The following ZNF365 variants were observed in gnomAD, a reference collection of about 807,000 sequenced individuals.
ZNF365 encodes zinc finger protein 365, also known as protein ZNF365.
A neutral mutation model predicts 35.0 loss-of-function variants in ZNF365; 22 were observed. The ratio of observed to expected loss-of-function variants is 0.63; its 90% CI spans 0.45 to 0.90. ZNF365 has a LOEUF of 0.90. Among genes scored for constraint, ZNF365 ranks in the 40% least tolerant of loss-of-function variants. The probability of loss-of-function intolerance (pLI) is 0.00; values close to 1 mark genes in which losing one functional copy is unlikely to be tolerated. For missense variants in ZNF365, 448 were observed against 500.3 expected (o/e 0.90, Z 1.00); for synonymous variants, 188 against 196.2 (o/e 0.96, Z 0.35).
chr10:62,399,899 G>A lies in ZNF365; in HGVS notation c.*110G>A. 1 of 1,448,774 alleles carries A rather than the reference G, an allele frequency of 6.9e-7. No homozygotes were observed. 89.7% of individuals were successfully genotyped at this position (1,448,774 alleles called of 1,614,324 possible). ...TTCCATAGTAAGACACATTGGAAAAGCCAAGGGCATAACACAGGCAAGCAC... is the reference window on the plus strand; with the variant it reads ...TTCCATAGTAAGACACATTGGAAAAACCAAGGGCATAACACAGGCAAGCAC... On this transcript the variant is annotated 3_prime_UTR_variant, in exon 5 of 5. Transcript: ENST00000395254.
At chr10:62,441,345 C>T (rs1430854877) in intron 3 of ZNF365, among the ~76,000 whole-genome samples, 17 of 152,084 alleles carry the variant, frequency 1.1e-4, no homozygotes, top group Admixed American at 1.1e-3. Flanking sequence ...CTTTTTGCAT[C>T]GATTTTATCT....
At chr10:62,471,113 G>A (rs34151239) in intron 4 of ZNF365, among the ~76,000 whole-genome samples, 3 of 151,910 alleles carry the variant, frequency 2.0e-5, no homozygotes, top group Non-Finnish European at 4.4e-5. Context: ...ACTCCTGTAA[G>A]CCCAGCACTT....
At chr10:62,477,210 T>A (rs1589477241) in intron 4 of ZNF365, among the ~76,000 whole-genome samples, 1 of 152,100 alleles carries the variant, frequency 6.6e-6, no homozygotes. Flanking sequence ...TGAATGTGGC[T>A]GGGGTAGGTT....
At position 62,376,617 on chromosome 10, in the gene ZNF365, A is replaced by G; in HGVS notation, c.424A>G (p.Thr142Ala). ...MDLHADSLDG[T>A]RSGPGLPTSD... ...CCTCCATGCAGACTCGCTGGATGGG[A>G]CACGGTCGGGTCCTGGACTGCCCAC... Residue 142 changes from threonine to alanine, a missense_variant, in exon 2 of 5, where the codon ACA becomes GCA. This residue lies in a region of ZNF365 where 362 missense variants were observed against 375.7 expected (regional missense o/e 0.96). Coordinates refer to ENST00000395254, the MANE Select transcript of ZNF365 (RefSeq NM_014951.3). 6.2e-7 allele frequency: 1 copy of G among 1,614,162 alleles called. No individual in the cohort carries two copies. Among genetic ancestry groups the G allele is most frequent in the Non-Finnish European group, 8.5e-7 (1 of 1,180,038 alleles).
At chr10:62,432,026 G>A (rs931214702) in intron 3 of ZNF365, among the ~76,000 whole-genome samples, 1 of 152,130 alleles carries the variant, frequency 6.6e-6, no homozygotes, top group Non-Finnish European at 1.5e-5. Flanking sequence ...CACTTTTTGG[G>A]ATCCCAGCTT....
intron 3 of ZNF365, among the ~76,000 whole-genome samples, chr10:62,411,020 A>G (rs1357700127): frequency 1.3e-5 from 2 of 152,148 alleles, no homozygotes; most frequent in East Asian, 1.9e-4. Context: ...CATTTCTCTA[A>G]TGATCAGTGA....
intron 4 of ZNF365, among the ~76,000 whole-genome samples, chr10:62,465,044 C>T (rs1229366539): frequency 6.6e-6 from 1 of 152,220 alleles, no homozygotes; most frequent in Non-Finnish European, 1.5e-5. Context: ...CACCCAGCTA[C>T]AGCTCCAGAT....
chr10:62,476,030 G>C (rs910675433), intron 4 of ZNF365, among the ~76,000 whole-genome samples: 2 of 151,304 alleles, frequency 1.3e-5, no homozygotes, highest in African/African-American at 4.9e-5. Flanking sequence ...AAGGTTTACT[G>C]TCTGATAAGT....
intron 3 of ZNF365, among the ~76,000 whole-genome samples, chr10:62,428,400 A>G (rs955790927): frequency 4.6e-5 from 7 of 152,092 alleles, no homozygotes; most frequent in Non-Finnish European, 2.9e-5. Flanking sequence ...TTCTCATGAT[A>G]GTGAGTGAGC....
intron 3 of ZNF365, among the ~76,000 whole-genome samples, chr10:62,420,059 A>G (rs935421355): frequency 6.6e-6 from 1 of 152,170 alleles, no homozygotes; most frequent in Non-Finnish European, 1.5e-5. Context: ...TTAATGTATT[A>G]GGTTATGTTA....
At chr10:62,450,084 C>A (rs1237488750) in intron 3 of ZNF365, among the ~76,000 whole-genome samples, 9 of 151,866 alleles carry the variant, frequency 5.9e-5, no homozygotes, top group Admixed American at 5.9e-4. Flanking sequence ...CCAGCCTGGG[C>A]AACATAGCAA....
At chr10:62,456,039 C>T (rs1337804926) in intron 3 of ZNF365, among the ~76,000 whole-genome samples, 1 of 152,206 alleles carries the variant, frequency 6.6e-6, no homozygotes, top group Non-Finnish European at 1.5e-5. Context: ...ACTAAACTTG[C>T]TGCGGTGATG....
chr10:62,394,732 A>G lies in ZNF365; in HGVS notation c.925-4008A>G, dbSNP rs138879819. ...AGCAAAGACACTAAATGGAAGGGGA[A>G]GGAAATTTTTCCATAGCACAGAAGA... On this transcript the variant is annotated intron_variant, in intron 3 of 4. Coordinates refer to ENST00000395254, the MANE Select transcript of ZNF365 (RefSeq NM_014951.3). Among the ~76,000 whole-genome samples, 778 of 152,348 alleles carry G rather than the reference A, an allele frequency of 5.1e-3. 4 individuals are homozygous for G. The highest frequency in any genetic ancestry group is 8.5e-3 in the Non-Finnish European group (580 of 68,028).
At chr10:62,472,938 G>T (rs562930525) in intron 4 of ZNF365, among the ~76,000 whole-genome samples, 1 of 152,252 alleles carries the variant, frequency 6.6e-6, no homozygotes, top group South Asian at 2.1e-4. Context: ...TGGTTGCCTA[G>T]TGCACTCTAC....
intron 3 of ZNF365, 115 bp from the exon 4 acceptor site, chr10:62,398,625 C>T: frequency 1.2e-6 from 1 of 849,584 alleles, no homozygotes; most frequent in East Asian, 2.7e-5. Context: ...CTACCAGTAG[C>T]AGTCACTGAC....
chr10:62,439,328 G>A (rs1427786088), intron 3 of ZNF365, among the ~76,000 whole-genome samples: 1 of 151,268 alleles, frequency 6.6e-6, no homozygotes, highest in Admixed American at 6.6e-5. Context: ...GCACTCACGT[G>A]ATTGAGCAAT....
intron 4 of ZNF365, among the ~76,000 whole-genome samples, chr10:62,479,292 A>G (rs961712399): frequency 1.3e-5 from 2 of 152,244 alleles, no homozygotes; most frequent in Non-Finnish European, 2.9e-5. Context: ...TAGGAACATA[A>G]TCTGTCATAA....
At chr10:62,433,661 G>A (rs1044376166) in intron 3 of ZNF365, among the ~76,000 whole-genome samples, 2 of 152,140 alleles carry the variant, frequency 1.3e-5, no homozygotes, top group Non-Finnish European at 1.5e-5. Flanking sequence ...TCCAAGTCAG[G>A]TTGAGAGCAT....
chr10:62,375,252 T>C (rs1349601161), intron 1 of ZNF365, among the ~76,000 whole-genome samples: 1 of 152,164 alleles, frequency 6.6e-6, no homozygotes, highest in African/African-American at 2.4e-5. Flanking sequence ...TTCCTGTTAT[T>C]AAGAGAGTAT....
Sources: allele counts gnomAD v4.1 joint callset (sites outside exome capture counted in the v4.1 genomes callset), GRCh38; gene constraint gnomAD v4.1.1; regional missense constraint gnomAD v4.1.1; transcripts MANE v1.5; gene names NCBI Gene and HGNC (gene_info 2026-07-23, HGNC 2026-07-21).